GPR155: variants seen among roughly 807,000 people sequenced by gnomAD.
GPR155 encodes G protein-coupled receptor 155.
A neutral mutation model predicts 93.1 loss-of-function variants in GPR155; 65 were observed. The ratio of observed to expected loss-of-function variants is 0.70; its 90% CI spans 0.57 to 0.86. The LOEUF (loss-of-function observed/expected upper bound fraction) is 0.86. Among genes scored for constraint, GPR155 ranks in the 40% least tolerant of loss-of-function variants. GPR155 has a pLI of 0.00. For missense variants in GPR155, 838 were observed against 1,034.8 expected (o/e 0.81, Z 2.61); for synonymous variants, 319 against 360.1 (o/e 0.89, Z 1.29).
At position 174,481,594 on chromosome 2, in the gene GPR155, G is replaced by A; in HGVS notation, c.363C>T (p.Thr121=). The change falls in exon 2 of 16, where the codon ACC becomes ACT. Residue 121 remains threonine, a synonymous_variant. Transcript: ENST00000392552. ...GACTATCAGGACTGGCAACCAATAA[G>A]GTTAATACACATACAATGAAAAATA... The part of the protein sequence containing the change: ...ASVFFIVCVL[T]LLVASPDSRF... The A allele has an allele frequency of 1.2e-6, 2 of 1,613,458 alleles. No individual in the cohort carries two copies. Among genetic ancestry groups the A allele is most frequent in the Non-Finnish European group, 1.7e-6 (2 of 1,179,598 alleles).
intron 1 of GPR155, among the ~76,000 whole-genome samples, chr2:174,483,469 TA>T (rs2105744258): frequency 6.6e-6 from 1 of 152,308 alleles, no homozygotes; most frequent in African/African-American, 2.4e-5. Flanking sequence ...AATAGTACAA[TA>T]ATTATCAGAC....
chr2:174,460,852 C>A (rs916676290), intron 9 of GPR155, among the ~76,000 whole-genome samples: 9 of 152,144 alleles, frequency 5.9e-5, no homozygotes, highest in Admixed American at 5.2e-4. Context: ...TATGTATAAT[C>A]TTATTTATTC....
intron 12 of GPR155, among the ~76,000 whole-genome samples, 169 bp downstream of exon 12, chr2:174,446,442 C>A (rs962781744): frequency 1.3e-5 from 2 of 151,720 alleles, no homozygotes; most frequent in African/African-American, 2.4e-5. Context: ...GTGAATGATT[C>A]ATCTCTTCCC....
chr2:174,475,807 A>G (rs543234404), intron 2 of GPR155, among the ~76,000 whole-genome samples: 2 of 152,224 alleles, frequency 1.3e-5, no homozygotes, highest in Non-Finnish European at 2.9e-5. Flanking sequence ...AACTTTTATA[A>G]TAGAGCAGAT....
Position 174,466,623 on chromosome 2 carries a change from C to T in GPR155, c.1187G>A (p.Trp396Ter). 1 of 1,560,450 alleles carries T rather than the reference C, an allele frequency of 6.4e-7. No homozygotes were observed. The highest frequency in any genetic ancestry group is 8.8e-7 in the Non-Finnish European group (1 of 1,138,520). The change falls in exon 6 of 16, where the codon TGG (tryptophan) becomes TAG (stop). Residue 396 changes from tryptophan to a stop codon, truncating the protein, a stop_gained. Transcript: ENST00000392552. LOFTEE classifies it high-confidence loss of function. ...ACTCAAAAGAAGAATAGCCAGAGAC[C>T]AGATCTTGAAGACAAAAGGTTCAAA... ...ISIVSLISLI[W>*]SLAILLLSKK...
At chr2:174,447,485 TTA>T (rs1200906810) in intron 11 of GPR155, among the ~76,000 whole-genome samples, 1 of 146,058 alleles carries the variant, frequency 6.8e-6, no homozygotes, top group East Asian at 1.9e-4. Context: ...TAAATGTATA[TTA>T]TATATCAGTA....
chr2:174,470,607 C>T, intron 3 of GPR155, 52 bp from the exon 4 acceptor site: 1 of 1,541,760 alleles, frequency 6.5e-7, no homozygotes, highest in Non-Finnish European at 8.9e-7. Context: ...ATGGTTGTCC[C>T]CAGTAGCAGG....
intron 3 of GPR155, among the ~76,000 whole-genome samples, chr2:174,471,528 C>A (rs1687999430): frequency 7.2e-6 from 1 of 139,060 alleles, no homozygotes; most frequent in African/African-American, 2.7e-5. Context: ...GAGCAGAAAA[C>A]TAGTGAAATG....
At chr2:174,475,336 T>A (rs1688134403) in intron 2 of GPR155, among the ~76,000 whole-genome samples, 1 of 142,660 alleles carries the variant, frequency 7.0e-6, no homozygotes, top group Non-Finnish European at 1.5e-5. Flanking sequence ...ATTAGGTTTC[T>A]CAATTTACAC....
At chr2:174,450,298 A>G (rs1224525489) in intron 11 of GPR155, among the ~76,000 whole-genome samples, 1 of 152,166 alleles carries the variant, frequency 6.6e-6, no homozygotes, top group Non-Finnish European at 1.5e-5. Flanking sequence ...TAAAGATGGT[A>G]ATGATGGAAA....
chr2:174,471,117 G>A (rs1167038727), intron 3 of GPR155, among the ~76,000 whole-genome samples: 4 of 152,008 alleles, frequency 2.6e-5, no homozygotes, highest in Non-Finnish European at 5.9e-5. Context: ...TGCCGGCATG[G>A]TGGCTCAAGC....
At chr2:174,453,206 C>G (rs920294963) in intron 11 of GPR155, among the ~76,000 whole-genome samples, 1 of 152,170 alleles carries the variant, frequency 6.6e-6, no homozygotes, top group Non-Finnish European at 1.5e-5. Flanking sequence ...ATGACACTAC[C>G]TATTATCACT....
intron 1 of GPR155, among the ~76,000 whole-genome samples, chr2:174,486,131 A>G (rs1284347410): frequency 1.3e-5 from 2 of 152,184 alleles, no homozygotes; most frequent in Admixed American, 6.5e-5. Flanking sequence ...GTGTGGTACT[A>G]TTAGAGCACT....
At chr2:174,482,668 C>T (rs1212099645) in intron 1 of GPR155, among the ~76,000 whole-genome samples, 4 of 152,168 alleles carry the variant, frequency 2.6e-5, no homozygotes, top group Non-Finnish European at 2.9e-5. Context: ...TGTGCCACCA[C>T]GCCCGGCTAA....
chr2:174,469,236 T>C (rs1256067117), intron 4 of GPR155, among the ~76,000 whole-genome samples, 169 bp from the exon 5 acceptor site: 1 of 152,220 alleles, frequency 6.6e-6, no homozygotes, highest in African/African-American at 2.4e-5. Flanking sequence ...CTGAGAATCC[T>C]TAATACAAAA....
Position 174,440,015 on chromosome 2 carries a change from T to G in GPR155, c.2195A>C (p.Asn732Thr). The change falls in exon 15 of 16, where the codon AAT (asparagine) becomes ACT (threonine). Residue 732 changes from asparagine to threonine, a missense_variant. By Grantham distance (65) the Asn-to-Thr change is moderately conservative. Coordinates refer to ENST00000392552, the MANE Select transcript of GPR155 (RefSeq NM_152529.7). ...ATCCCTGTTTTCTGCTGTGTCTTTATTGTTCCATAGGAATTCAAGTCTGAA... is the reference window on the plus strand; with the variant it reads ...ATCCCTGTTTTCTGCTGTGTCTTTAGTGTTCCATAGGAATTCAAGTCTGAA... ...FKRRLEFLWNNKDTAENRDSP... is the reference protein window; with the variant it reads ...FKRRLEFLWNTKDTAENRDSP... 2 of 1,611,436 alleles carry G rather than the reference T, an allele frequency of 1.2e-6. No homozygotes were observed. Among genetic ancestry groups the G allele is most frequent in the Non-Finnish European group, 1.7e-6 (2 of 1,178,882 alleles).
intron 12 of GPR155, among the ~76,000 whole-genome samples, chr2:174,446,026 G>T (rs1240283459): frequency 2.6e-5 from 4 of 151,816 alleles, no homozygotes; most frequent in Non-Finnish European, 5.9e-5. Flanking sequence ...CTGCTTTTGG[G>T]CCTGGCGCAG....
intron 1 of GPR155, among the ~76,000 whole-genome samples, chr2:174,482,581 C>G (rs1212015444): frequency 6.6e-6 from 1 of 152,210 alleles, no homozygotes; most frequent in Non-Finnish European, 1.5e-5. Context: ...CAGGGTCTTG[C>G]TCTGTCTCCC....
In GPR155 at chr2:174,470,560, A is replaced by G; in HGVS notation, c.861-5T>C. 1 of 1,609,296 alleles carries G rather than the reference A, an allele frequency of 6.2e-7. No homozygotes were observed. The highest frequency in any genetic ancestry group is 8.5e-7 in the Non-Finnish European group (1 of 1,178,424). On this transcript the variant is annotated splice_region_variant and splice_polypyrimidine_tract_variant and intron_variant, in intron 3 of 15. Transcript: ENST00000392552. ...CACAGAAGTGGCAGCACCAGACTGA[A>G]GAAAAAAGAAAAACATCATTTACCT...
Sources: gnomAD v4.1 joint callset for allele counts (sites outside exome capture counted in the v4.1 genomes callset) on GRCh38, gnomAD v4.1.1 for gene constraint, MANE v1.5 for transcripts, NCBI Gene and HGNC (gene_info 2026-07-23, HGNC 2026-07-21) for gene names.